ZBTB38: variants seen among roughly 807,000 people sequenced by gnomAD.
The protein encoded by ZBTB38 is zinc finger and BTB domain containing 38, also known as zinc finger and BTB domain-containing protein 38.
ZBTB38 carries 20 observed loss-of-function variants against 76.8 expected under a neutral mutation model. That is an observed-to-expected ratio of 0.26 (90% CI 0.18 to 0.38). ZBTB38 has a LOEUF of 0.38. ZBTB38 is among the 10% of genes least tolerant of loss of function. The pLI, the probability that ZBTB38 is intolerant of heterozygous loss-of-function variation, is 1.00. For missense variants in ZBTB38, 1,082 were observed against 1,482.3 expected (o/e 0.73, Z 4.43); for synonymous variants, 504 against 544.2 (o/e 0.93, Z 1.03).
intron 1 of ZBTB38, among the ~76,000 whole-genome samples, chr3:141,346,417 C>G (rs898669505): frequency 6.6e-6 from 1 of 152,200 alleles, no homozygotes; most frequent in African/African-American, 2.4e-5. Flanking sequence ...AGCCACTCCT[C>G]CTTTAATTTA....
In ZBTB38 at chr3:141,339,110, T is replaced by G. The variant is rs1410139697; in HGVS notation, c.-739+14654T>G. ...AGAGTGGGCCATGCCAAATCTCAAG[T>G]GAACCAGTGTTGCAGGCAGAGATCA... On this transcript the variant is annotated intron_variant, in intron 1 of 7. Transcript: ENST00000509842. 2.0e-5 allele frequency among the ~76,000 whole-genome samples: 3 copies of G among 152,018 alleles called. No homozygotes were observed. The South Asian group carries it at 6.2e-4, about 32-fold the overall frequency.
In ZBTB38 at chr3:141,443,274, A is replaced by G. The variant is rs1475615844; in HGVS notation, c.886A>G (p.Arg296Gly). 5 of 1,614,130 alleles carry G rather than the reference A, an allele frequency of 3.1e-6. No homozygotes were observed. Among genetic ancestry groups the G allele is most frequent in the East Asian group, 2.2e-5 (1 of 44,904 alleles). Residue 296 changes from arginine to glycine, a missense_variant, in exon 6 of 6, where the codon AGA becomes GGA. Around this residue, in one of 8 missense-constraint regions of ZBTB38, gnomAD observed 324 missense variants for 359.1 expected, o/e 0.90. Coordinates refer to ENST00000321464, the MANE Select transcript of ZBTB38 (RefSeq NM_001376113.1). This position sits in a 1 kb window ranked among gnomAD's most constrained non-coding sequence, Gnocchi z 5.6. ...ATCCAACTTAGAGGTTAATCAAGAA[A>G]GAAGTCCACAACCAGCTGCTGTTCT... The part of the protein sequence containing the change: ...PVSNLEVNQE[R>G]SPQPAAVLTR...
intron 5 of ZBTB38, among the ~76,000 whole-genome samples, chr3:141,434,941 G>A (rs2078420596): frequency 1.3e-5 from 2 of 152,018 alleles, no homozygotes; most frequent in African/African-American, 4.8e-5. Flanking sequence ...AGACCAGCCT[G>A]GGCAACATAG....
intron 5 of ZBTB38, among the ~76,000 whole-genome samples, chr3:141,409,647 TC>T (rs1177085885): frequency 1.3e-5 from 2 of 152,330 alleles, no homozygotes; most frequent in East Asian, 1.9e-4. Flanking sequence ...CCTCCCTATA[TC>T]CCTAACCTAT....
At chr3:141,380,806 C>G (rs536971416) in intron 2 of ZBTB38, among the ~76,000 whole-genome samples, 1 of 152,266 alleles carries the variant, frequency 6.6e-6, no homozygotes, top group South Asian at 2.1e-4. Context: ...CCTTTCTGAG[C>G]TGCAATGTCA....
At chr3:141,401,989 C>A (rs940281946) in intron 4 of ZBTB38, among the ~76,000 whole-genome samples, 3 of 152,272 alleles carry the variant, frequency 2.0e-5, no homozygotes, top group African/African-American at 7.2e-5. Flanking sequence ...TAGTCTCGAA[C>A]AGGAGCCCAC....
intron 1 of ZBTB38, among the ~76,000 whole-genome samples, chr3:141,332,596 G>A (rs975641558): frequency 6.6e-6 from 1 of 152,084 alleles, no homozygotes; most frequent in Non-Finnish European, 1.5e-5. Flanking sequence ...ATATGTAATG[G>A]GTGCTCCATG....
chr3:141,434,295 GT>G (rs1435738666), intron 5 of ZBTB38: 1 of 769,340 alleles, frequency 1.3e-6, no homozygotes, highest in Non-Finnish European at 1.6e-6. Context: ...AGGAAAAACA[GT>G]TTCTCTCCTA....
rs981491877 is a variant in ZBTB38, at chr3:141,408,955, T to C, written c.-1+4924T>C. The stretch of plus-strand genomic sequence containing the variant: ...TACCTTATATGCATTATCTCAGCCA[T>C]CTTTTAGAACCTCAGACAACATGGT... On this transcript the variant is annotated intron_variant, in intron 5 of 5. Transcript: ENST00000321464. 7.2e-5 allele frequency among the ~76,000 whole-genome samples: 11 copies of C among 152,344 alleles called. No homozygotes were observed. In the East Asian group the frequency reaches 1.3e-3, roughly 19 times the overall value.
At chr3:141,371,071 T>TTC (rs869104925) in intron 2 of ZBTB38, among the ~76,000 whole-genome samples, 31 of 134,536 alleles carry the variant, frequency 2.3e-4, no homozygotes, top group Admixed American at 1.8e-3. Flanking sequence ...TTTTTTTTTT[T>TTC]GAGGCAGAGT....
chr3:141,360,710 T>TA (rs750173863), intron 1 of ZBTB38, among the ~76,000 whole-genome samples: 6 of 152,166 alleles, frequency 3.9e-5, no homozygotes, highest in Non-Finnish European at 8.8e-5. Flanking sequence ...ACTATCGACT[T>TA]ACTGGACCAG....
In ZBTB38 at chr3:141,442,998, G is replaced by C; in HGVS notation, c.610G>C (p.Glu204Gln). The C allele has an allele frequency of 4.3e-6, 7 of 1,614,236 alleles. No individual in the cohort carries two copies. Among genetic ancestry groups the C allele is most frequent in the Non-Finnish European group, 5.9e-6 (7 of 1,180,034 alleles). Reference sequence around the variant, plus strand: ...CATGAGAACAGCTAGCCTTTGCCTGGAGAGGACGGACGTCTGCCACGAGGC... The same window carrying C: ...CATGAGAACAGCTAGCCTTTGCCTGCAGAGGACGGACGTCTGCCACGAGGC... ...DSMRTASLCLERTDVCHEAEP... is the reference protein window; with the variant it reads ...DSMRTASLCLQRTDVCHEAEP... Residue 204 changes from glutamate (E) to glutamine (Q), a missense_variant, in exon 6 of 6, where the codon GAG becomes CAG. Coordinates refer to ENST00000321464, the MANE Select transcript of ZBTB38 (RefSeq NM_001376113.1). This position sits in a 1 kb window ranked among gnomAD's most constrained non-coding sequence, Gnocchi z 6.4.
chr3:141,431,341 A>AAAATATATATATATATATATATAT, intron 5 of ZBTB38, among the ~76,000 whole-genome samples: 2 of 103,296 alleles, frequency 1.9e-5, no homozygotes, highest in Admixed American at 9.6e-5. Context: ...AAAAAAAAAA[A>AAAATATATATATATATATATATAT]ATATATATAT....
chr3:141,365,808 A>C (rs1349039234), upstream of ZBTB38, among the ~76,000 whole-genome samples: 1 of 152,198 alleles, frequency 6.6e-6, no homozygotes, highest in Admixed American at 6.5e-5. Context: ...AATAGATTAC[A>C]AATTACATAA....
Position 141,442,676 on chromosome 3 carries a change from C to A in ZBTB38, c.288C>A (p.Val96=). The A allele has an allele frequency of 6.2e-7, 1 of 1,614,100 alleles. No individual in the cohort carries two copies. The highest frequency in any genetic ancestry group is 1.1e-5 in the South Asian group (1 of 91,026). ...TTAATTATATCTACAGTTCCACAGT[C>A]GTTGTCAAGAGACAGGAAACAGTCA... The part of the protein sequence containing the change: ...EILNYIYSST[V]VVKRQETVTD... Residue 96 remains valine, a synonymous_variant, in exon 6 of 6, where the codon GTC becomes GTA. Coordinates refer to ENST00000321464, the MANE Select transcript of ZBTB38 (RefSeq NM_001376113.1). This position sits in a 1 kb window ranked among gnomAD's most constrained non-coding sequence, Gnocchi z 6.4.
At chr3:141,351,410 ACTTTT>A (rs1943508341) in intron 1 of ZBTB38, among the ~76,000 whole-genome samples, 1 of 152,244 alleles carries the variant, frequency 6.6e-6, no homozygotes, top group East Asian at 1.9e-4. Context: ...AATTATCAAT[ACTTTT>A]CTTTAATAGT....
At chr3:141,426,016 C>A in intron 5 of ZBTB38, 2 of 550,800 alleles carry the variant, frequency 3.6e-6, no homozygotes, top group Non-Finnish European at 6.1e-6. Context: ...TGTTGGGACA[C>A]AGCTTGGATG....
At chr3:141,411,503 G>A (rs1956628006) in intron 5 of ZBTB38, among the ~76,000 whole-genome samples, 1 of 152,200 alleles carries the variant, frequency 6.6e-6, no homozygotes, top group African/African-American at 2.4e-5. Flanking sequence ...CTTCTGTAGT[G>A]TGTTCAGCCC....
At chr3:141,375,213 G>A (rs937518494) in intron 2 of ZBTB38, among the ~76,000 whole-genome samples, 1 of 152,142 alleles carries the variant, frequency 6.6e-6, no homozygotes, top group Non-Finnish European at 1.5e-5. Context: ...AAGATTATTA[G>A]CTAGGGAATC....
Sources: allele counts gnomAD v4.1 joint callset (sites outside exome capture counted in the v4.1 genomes callset), GRCh38; gene constraint gnomAD v4.1.1; regional missense constraint gnomAD v4.1.1; non-coding constraint Gnocchi (gnomAD v3.1); transcripts MANE v1.5; gene names NCBI Gene and HGNC (gene_info 2026-07-23, HGNC 2026-07-21).